PRPSAP2: variants seen among roughly 807,000 people sequenced by gnomAD.
PRPSAP2 encodes phosphoribosyl pyrophosphate synthase-associated protein 2.
Under a neutral mutation model 40.6 loss-of-function variants are expected in PRPSAP2, and 24 were observed. The observed-to-expected ratio is 0.59, with a 90% CI of 0.43 to 0.83. PRPSAP2 has a LOEUF of 0.83. Among genes scored for constraint, PRPSAP2 ranks in the 40% least tolerant of loss-of-function variants. The pLI is 0.00. For missense variants in PRPSAP2, 292 were observed against 465.6 expected (o/e 0.63, Z 3.43); for synonymous variants, 149 against 164.7 (o/e 0.90, Z 0.73).
chr17:18,894,479 C>CTT (rs1201159228), intron 8 of PRPSAP2, among the ~76,000 whole-genome samples: 43 of 120,580 alleles, frequency 3.6e-4, no homozygotes, highest in African/African-American at 6.8e-4. Flanking sequence ...TTTCAATAGT[C>CTT]TTTTTTTTTT....
At chr17:18,892,718 TGTGTGTGTG>T (rs2039631368) in intron 8 of PRPSAP2, among the ~76,000 whole-genome samples, 8 of 98,764 alleles carry the variant, frequency 8.1e-5, no homozygotes, top group Admixed American at 2.0e-4. Flanking sequence ...TGTGTGTGTG[TGTGTGTGTG>T]TATTTATTTA....
chr17:18,883,974 CAT>C (rs2038950133), intron 7 of PRPSAP2, among the ~76,000 whole-genome samples: 1 of 149,220 alleles, frequency 6.7e-6, no homozygotes, highest in Non-Finnish European at 1.5e-5. Context: ...ACACAAGAAA[CAT>C]AAAAACTCTA....
intron 8 of PRPSAP2, among the ~76,000 whole-genome samples, chr17:18,896,552 A>G (rs1033810619): frequency 2.1e-5 from 3 of 142,862 alleles, no homozygotes; most frequent in Non-Finnish European, 3.0e-5. Flanking sequence ...TTCAAGGCCC[A>G]TGTGGCCATC....
Position 18,919,706 on chromosome 17 carries a change from T to TA in PRPSAP2, c.734-4207dup, listed in dbSNP as rs2055429549. On this transcript the variant is annotated intron_variant, in intron 9 of 11. Transcript: ENST00000268835. ...GAGGGAATGAACATTTTTAGTGTAT[T>TA]AGTCTCCAGTACAGCCCTTTTAATT... Among the ~76,000 whole-genome samples, 13 of 152,282 alleles carry TA rather than the reference T, an allele frequency of 8.5e-5. 1 individual carries two copies. The South Asian group carries it at 2.7e-3, about 32-fold the overall frequency.
At chr17:18,926,270 TC>T (rs1693290922) in intron 10 of PRPSAP2, among the ~76,000 whole-genome samples, 1 of 145,898 alleles carries the variant, frequency 6.9e-6, no homozygotes, top group African/African-American at 2.5e-5. Flanking sequence ...TTTATTTATT[TC>T]TATTTTTTTT....
intron 7 of PRPSAP2, among the ~76,000 whole-genome samples, chr17:18,889,357 A>T (rs978417733): frequency 3.9e-5 from 6 of 152,216 alleles, no homozygotes; most frequent in Non-Finnish European, 7.3e-5. Flanking sequence ...ATATTTTTTT[A>T]AAATAGTGCT....
intron 10 of PRPSAP2, 157 bp from the exon 11 acceptor site, chr17:18,928,654 C>T (rs527994973): frequency 6.7e-4 from 585 of 878,714 alleles, no homozygotes; most frequent in Non-Finnish European, 8.5e-4. Flanking sequence ...CCATGGGGCA[C>T]GGTGATGGGG....
At chr17:18,869,048 C>T (rs1597531896) in intron 4 of PRPSAP2, among the ~76,000 whole-genome samples, 1 of 152,032 alleles carries the variant, frequency 6.6e-6, no homozygotes, top group South Asian at 2.1e-4. Context: ...GAAGATTCTT[C>T]CTCTAGAGGG....
rs371379998 is a variant in PRPSAP2 at position 18,864,014 on chromosome 17, T to A, written c.-128-1455T>A. ...ACCACCATGCCTGGCTTATTTTTATTTTTATTTTTTTGTATTTTTAGTAGA... is the reference window on the plus strand; with the variant it reads ...ACCACCATGCCTGGCTTATTTTTATATTTATTTTTTTGTATTTTTAGTAGA... On this transcript the variant is annotated intron_variant, in intron 1 of 11. Coordinates refer to ENST00000268835, the MANE Select transcript of PRPSAP2 (RefSeq NM_002767.4). 1.6e-3 allele frequency among the ~76,000 whole-genome samples: 242 copies of A among 150,510 alleles called. 2 individuals carry two copies. Among genetic ancestry groups the A allele is most frequent in the African/African-American group, 5.6e-3 (231 of 40,962 alleles).
chr17:18,909,429 A>G (rs960846607), intron 8 of PRPSAP2, among the ~76,000 whole-genome samples: 2 of 151,726 alleles, frequency 1.3e-5, no homozygotes, highest in Non-Finnish European at 2.9e-5. Flanking sequence ...TTTTTTTAGT[A>G]GAGACGGGGT....
intron 1 of PRPSAP2, chr17:18,860,635 AGC>A (rs1178241750): frequency 3.3e-5 from 5 of 152,242 alleles, no homozygotes; most frequent in African/African-American, 9.6e-5. Flanking sequence ...ATGGCCTAGT[AGC>A]TGGAAGGCAA....
chr17:18,918,930 CT>C (rs962924060), intron 9 of PRPSAP2, among the ~76,000 whole-genome samples: 27 of 151,876 alleles, frequency 1.8e-4, no homozygotes, highest in African/African-American at 6.5e-4. Context: ...TTAATTTTAC[CT>C]TTTTTTGTGC....
chr17:18,924,198 C>A (rs1394961687), intron 10 of PRPSAP2, among the ~76,000 whole-genome samples: 2 of 152,138 alleles, frequency 1.3e-5, no homozygotes, highest in African/African-American at 4.8e-5. Flanking sequence ...TGCTACCACG[C>A]CTGGCTAATT....
At position 18,898,963 on chromosome 17, in the gene PRPSAP2, G is replaced by A. The variant is rs146143035; in HGVS notation, c.584+9086G>A. Among the ~76,000 whole-genome samples the A allele has an allele frequency of 3.7e-4, 57 of 152,046 alleles. No homozygotes were observed. In the East Asian group the frequency reaches 4.5e-3, roughly 12 times the overall value. The stretch of plus-strand genomic sequence containing the variant: ...GTTGCCCAGGCTGGAGTGCAATGGC[G>A]TGATCTTGGCTCACCGTTGCAACCT... On this transcript the variant is annotated intron_variant, in intron 8 of 11. Transcript: ENST00000268835.
intron 1 of PRPSAP2, among the ~76,000 whole-genome samples, chr17:18,863,831 C>CTTTTTTTTTTTTTTTTTTTT (rs34770102): frequency 1.2e-5 from 1 of 86,054 alleles, no homozygotes; most frequent in Non-Finnish European, 2.1e-5. Context: ...ACTGCGTGGC[C>CTTTTTTTTTTTTTTTTTTTT]TTTTTTTTTT....
At chr17:18,924,796 G>A (rs1184887181) in intron 10 of PRPSAP2, among the ~76,000 whole-genome samples, 7 of 147,402 alleles carry the variant, frequency 4.7e-5, no homozygotes, top group Non-Finnish European at 8.9e-5. Context: ...AAGTCATCCT[G>A]TCATAACATG....
At position 18,920,925 on chromosome 17, in the gene PRPSAP2, C is replaced by T. The variant is rs188936547; in HGVS notation, c.734-2989C>T. 9.8e-4 allele frequency among the ~76,000 whole-genome samples: 148 copies of T among 151,646 alleles called. 1 individual carries two copies. The highest frequency in any genetic ancestry group is 3.5e-3 in the African/African-American group (145 of 40,956). ...GCTTCATACATAATTGTGCATGTTG[C>T]TGCCTCCTTCTCCCAGCTGCCCGAC... On this transcript the variant is annotated intron_variant, in intron 9 of 11. Transcript: ENST00000268835.
chr17:18,868,050 C>T (rs577892386), intron 4 of PRPSAP2, among the ~76,000 whole-genome samples: 11 of 152,132 alleles, frequency 7.2e-5, no homozygotes, highest in Admixed American at 3.9e-4. Context: ...GTGGAAGGAT[C>T]GCTTGAGCCC....
intron 8 of PRPSAP2, chr17:18,908,683 A>G (rs895922854): frequency 1.1e-5 from 8 of 723,908 alleles, no homozygotes; most frequent in Admixed American, 2.0e-5. Context: ...GCTGCTGGCC[A>G]TCCACTTCCT....
Sources: gnomAD v4.1 joint callset for allele counts (sites outside exome capture counted in the v4.1 genomes callset) on GRCh38, gnomAD v4.1.1 for gene constraint, MANE v1.5 for transcripts, NCBI Gene and HGNC (gene_info 2026-07-23, HGNC 2026-07-21) for gene names.